TMEM131L: variants seen among roughly 807,000 people sequenced by gnomAD.
TMEM131L encodes the protein transmembrane 131 like, also known as transmembrane protein 131-like.
A neutral mutation model predicts 192.2 loss-of-function variants in TMEM131L; 54 were observed. That is an observed-to-expected ratio of 0.28 (90% CI 0.23 to 0.35). The LOEUF is 0.35. Ranked by LOEUF, TMEM131L falls within the 10% of genes least tolerant of loss-of-function variation. TMEM131L has a pLI of 1.00. For missense variants in TMEM131L, 1,888 were observed against 1,972.9 expected, an observed-to-expected ratio of 0.96 and a Z score of 0.82; for synonymous variants, 701 against 704.9, an observed-to-expected ratio of 0.99 and a Z score of 0.09.
rs1457270109 is a variant in TMEM131L at position 153,612,355 on chromosome 4, T to A, written c.3522T>A (p.Ser1174=). The A allele has an allele frequency of 6.3e-7, 1 of 1,598,108 alleles. No individual in the cohort carries two copies. The highest frequency in any genetic ancestry group is 8.5e-7 in the Non-Finnish European group (1 of 1,175,302). ...CAGAAAAGAAGATTCACAAAACATC[T>A]AGAGAAGACATGTTTTCTGAGAAAC... ...PSSEKKIHKT[S]REDMFSEKQD... is the part of the protein sequence containing the mutation. Residue 1174 remains serine, a synonymous_variant, in exon 26 of 35, where the codon TCT becomes TCA. Coordinates refer to ENST00000409959, the MANE Select transcript of TMEM131L (RefSeq NM_001131007.2).
chr4:153,484,158 G>A (rs1732142187), intron 3 of TMEM131L, among the ~76,000 whole-genome samples: 1 of 152,148 alleles, frequency 6.6e-6, no homozygotes, highest in African/African-American at 2.4e-5. Context: ...CAGAGTATTA[G>A]TTTGTTGTTA....
chr4:153,567,859 T>C (rs1423663825), intron 7 of TMEM131L, among the ~76,000 whole-genome samples: 4 of 152,180 alleles, frequency 2.6e-5, no homozygotes, highest in African/African-American at 9.7e-5. Flanking sequence ...CTGCTTTTTA[T>C]GTTATGTGGG....
chr4:153,543,225 C>G (rs1043204749), intron 3 of TMEM131L, among the ~76,000 whole-genome samples: 1 of 152,174 alleles, frequency 6.6e-6, no homozygotes, highest in Admixed American at 6.5e-5. Flanking sequence ...GTTTCTGCCT[C>G]TATTGTTAAA....
chr4:153,632,651 G>A (rs1734289577), intron 31 of TMEM131L, 67 bp from the exon 32 acceptor site: 1 of 1,596,826 alleles, frequency 6.3e-7, no homozygotes, highest in Non-Finnish European at 8.6e-7. Context: ...GGAAGGGCAG[G>A]TGCAGGAAGG....
intron 3 of TMEM131L, among the ~76,000 whole-genome samples, chr4:153,492,874 G>T (rs1213974988): frequency 1.3e-5 from 2 of 152,122 alleles, no homozygotes; most frequent in Non-Finnish European, 2.9e-5. Flanking sequence ...GAGTTGAGTG[G>T]ATAAGAGCAG....
chr4:153,472,061 C>G (rs1731196484), intron 2 of TMEM131L, among the ~76,000 whole-genome samples: 1 of 151,594 alleles, frequency 6.6e-6, no homozygotes, highest in Non-Finnish European at 1.5e-5. Flanking sequence ...TTGGTTTAAT[C>G]AACTTCCATC....
At chr4:153,583,464 T>C (rs186619366) in intron 10 of TMEM131L, 100 bp from the exon 11 acceptor site, 3 of 858,298 alleles carry the variant, frequency 3.5e-6, no homozygotes, top group Admixed American at 2.0e-5. Flanking sequence ...GCAGTTGCTA[T>C]GTATGGCTGG....
At chr4:153,532,437 C>CT (rs368571390) in intron 3 of TMEM131L, among the ~76,000 whole-genome samples, 2,589 of 137,834 alleles carry the variant, frequency 0.019, 27 homozygotes, top group Middle Eastern at 0.023. Context: ...GCTATTAGTG[C>CT]TTTTTTTTTA....
intron 3 of TMEM131L, among the ~76,000 whole-genome samples, chr4:153,519,665 A>G (rs908673203): frequency 3.9e-5 from 6 of 152,258 alleles, no homozygotes; most frequent in Middle Eastern, 3.2e-3. Flanking sequence ...CATTTAGTAC[A>G]TAGATAATTG....
chr4:153,546,042 T>C (rs749009132), intron 3 of TMEM131L, among the ~76,000 whole-genome samples: 1 of 151,766 alleles, frequency 6.6e-6, no homozygotes, highest in Non-Finnish European at 1.5e-5. Context: ...GCCACTGAGC[T>C]CGGATAATAT....
At chr4:153,486,556 T>A (rs545816153) in intron 3 of TMEM131L, among the ~76,000 whole-genome samples, 440 of 152,352 alleles carry the variant, frequency 2.9e-3, no homozygotes, top group Non-Finnish European at 4.9e-3. Flanking sequence ...CCTGGGAGCC[T>A]GGTTCTTCGG....
At chr4:153,538,354 A>G (rs1319766206) in intron 3 of TMEM131L, among the ~76,000 whole-genome samples, 1 of 152,184 alleles carries the variant, frequency 6.6e-6, no homozygotes, top group South Asian at 2.1e-4. Context: ...GCAGAAGGAT[A>G]GGCTCTAAAC....
At chr4:153,534,427 T>G (rs1037609900) in intron 3 of TMEM131L, among the ~76,000 whole-genome samples, 1 of 151,838 alleles carries the variant, frequency 6.6e-6, no homozygotes, top group African/African-American at 2.4e-5. Flanking sequence ...AGGTGGAGGA[T>G]TTATTTTTAT....
chr4:153,473,895 A>G lies in TMEM131L; in HGVS notation c.239+7A>G, dbSNP rs758638789. 4 of 1,541,854 alleles carry G rather than the reference A, an allele frequency of 2.6e-6. No homozygotes were observed. Among genetic ancestry groups the G allele is most frequent in the Non-Finnish European group, 3.5e-6 (4 of 1,141,456 alleles). On this transcript the variant is annotated splice_region_variant and intron_variant, in intron 3 of 34. Coordinates refer to ENST00000409959, the MANE Select transcript of TMEM131L (RefSeq NM_001131007.2). The stretch of plus-strand genomic sequence containing the variant: ...AGCCTTCTCAAGAACAGAGGTAAGG[A>G]AAAAATGGGGGTGGAAACCTGCATG...
rs745818465 is a variant in TMEM131L, at chr4:153,621,813, A to C, written c.3823A>C (p.Ile1275Leu). 7 of 1,614,160 alleles carry C rather than the reference A, an allele frequency of 4.3e-6. No homozygotes were observed. The highest frequency in any genetic ancestry group is 5.9e-6 in the Non-Finnish European group (7 of 1,180,012). Reference sequence around the variant, plus strand: ...GGAGGTTTGTAAAGCAGATGCCGAAATTGCAAGCAGTTTACCTGCTGCCCA... The same window carrying C: ...GGAGGTTTGTAAAGCAGATGCCGAACTTGCAAGCAGTTTACCTGCTGCCCA... ...TREVCKADAEIASSLPAAQRE... is the reference protein window; with the variant it reads ...TREVCKADAELASSLPAAQRE... The change falls in exon 28 of 35, where the codon ATT becomes CTT. Residue 1275 changes from isoleucine to leucine, a missense_variant. Coordinates refer to ENST00000409959, the MANE Select transcript of TMEM131L (RefSeq NM_001131007.2).
chr4:153,590,810 T>C (rs111739416), intron 16 of TMEM131L, among the ~76,000 whole-genome samples: 164 of 150,718 alleles, frequency 1.1e-3, no homozygotes, highest in African/African-American at 3.6e-3. Flanking sequence ...TTCGGCTGGC[T>C]TGTGTGGCCC....
At position 153,488,007 on chromosome 4, in the gene TMEM131L, C is replaced by G. The variant is rs112286495; in HGVS notation, c.239+14119C>G. Among the ~76,000 whole-genome samples the G allele has an allele frequency of 2.9e-4, 17 of 58,614 alleles. 1 individual carries two copies. Among genetic ancestry groups the G allele is most frequent in the African/African-American group, 6.2e-4 (9 of 14,572 alleles). The allele number at this position is 58,614 out of a possible 152,430, so 38.5% of individuals were successfully genotyped here. The stretch of plus-strand genomic sequence containing the variant: ...TGTGTGTTTGTGTATGTATGAGAGA[C>G]AAGAGAGACTCTTGTGAGCCTATGA... On this transcript the variant is annotated intron_variant, in intron 3 of 34. Transcript: ENST00000409959.
chr4:153,593,938 A>C, intron 19 of TMEM131L, 67 bp downstream of exon 19: 4 of 1,021,806 alleles, frequency 3.9e-6, no homozygotes, highest in South Asian at 2.6e-5. Context: ...TACGGGCCTC[A>C]TTGATTTATG....
At chr4:153,616,487 C>T (rs991442382) in intron 26 of TMEM131L, among the ~76,000 whole-genome samples, 13 of 152,118 alleles carry the variant, frequency 8.5e-5, no homozygotes, top group Admixed American at 2.0e-4. Flanking sequence ...GTATAATACA[C>T]GTGGAACATT....
Sources: allele counts gnomAD v4.1 joint callset (sites outside exome capture counted in the v4.1 genomes callset), GRCh38; gene constraint gnomAD v4.1.1; transcripts MANE v1.5; gene names NCBI Gene and HGNC (gene_info 2026-07-23, HGNC 2026-07-21).